ZMYM6: variants seen among roughly 807,000 people sequenced by gnomAD.
ZMYM6 encodes zinc finger MYM-type containing 6.
Under a neutral mutation model 134.0 loss-of-function variants are expected in ZMYM6, and 90 were observed. The observed-to-expected ratio is 0.67, with a 90% CI of 0.57 to 0.80. ZMYM6 has a LOEUF of 0.80. Among genes scored for constraint, ZMYM6 ranks in the 30% least tolerant of loss-of-function variants. The pLI, the probability that ZMYM6 is intolerant of heterozygous loss-of-function variation, is 0.00. For synonymous variants in ZMYM6, 481 were observed against 524.1 expected, an observed-to-expected ratio of 0.92 and a Z score of 1.12; for missense variants, 1,362 against 1,533.9, an observed-to-expected ratio of 0.89 and a Z score of 1.87.
At chr1:35,022,847 C>G (rs557649328) in intron 2 of ZMYM6, among the ~76,000 whole-genome samples, 1 of 152,102 alleles carries the variant, frequency 6.6e-6, no homozygotes, top group African/African-American at 2.4e-5. Context: ...CCCTGTATAC[C>G]CAATCGCCCA....
At chr1:35,012,309 T>A (rs1641101858) in intron 7 of ZMYM6, 122 bp downstream of exon 7, 1 of 943,144 alleles carries the variant, frequency 1.1e-6, no homozygotes, top group East Asian at 2.9e-5. Flanking sequence ...TATTTAAAAG[T>A]CAGTCTTGGG....
intron 14 of ZMYM6, among the ~76,000 whole-genome samples, chr1:35,003,098 C>T (rs1367198850): frequency 6.7e-6 from 1 of 148,752 alleles, no homozygotes; most frequent in Non-Finnish European, 1.5e-5. Context: ...TAGGGGACTG[C>T]TTGAGCCCAG....
chr1:35,008,904 G>A lies in ZMYM6; in HGVS notation c.1513C>T (p.Arg505Cys), dbSNP rs530832249. 25 of 1,611,160 alleles carry A rather than the reference G, an allele frequency of 1.6e-5. No homozygotes were observed. Among genetic ancestry groups the A allele is most frequent in the East Asian group, 6.7e-5 (3 of 44,802 alleles). ...TTTCCCCATCGTTCTCCAAAGTCAC[G>A]GGCAGAGAGGAATTTGCAAACTGAG... ...CSEVCKFLSA[R>C]DFGERWGNYC... The change falls in exon 11 of 16, where the codon CGT (arginine) becomes TGT (cysteine). Residue 505 changes from arginine (R) to cysteine (C), a missense_variant. By Grantham distance (180) the Arg-to-Cys change is radical. Around this residue, in one of 3 missense-constraint regions of ZMYM6, gnomAD observed 35 missense variants for 72.2 expected, o/e 0.48. Transcript: ENST00000357182.
At chr1:34,989,837 T>G (rs60734514) in intron 15 of ZMYM6, 20,706 of 151,868 alleles carry the variant, frequency 0.14, 4,531 homozygotes, top group African/African-American at 0.46. Flanking sequence ...GAGGCGGAGG[T>G]TGCAATGTGC....
At chr1:35,016,095 C>T (rs1378914297) in intron 4 of ZMYM6, among the ~76,000 whole-genome samples, 1 of 151,878 alleles carries the variant, frequency 6.6e-6, no homozygotes, top group African/African-American at 2.4e-5. Flanking sequence ...GGGACACCAG[C>T]ACGTGCCACC....
chr1:34,990,727 T>A (rs1640658954), intron 15 of ZMYM6, among the ~76,000 whole-genome samples: 1 of 151,830 alleles, frequency 6.6e-6, no homozygotes, highest in African/African-American at 2.4e-5. Flanking sequence ...TACCCCCGAA[T>A]AAAATAAAAT....
At chr1:35,009,093 C>A (rs764630813) in intron 10 of ZMYM6, among the ~76,000 whole-genome samples, 169 bp from the exon 11 acceptor site, 1 of 152,060 alleles carries the variant, frequency 6.6e-6, no homozygotes, top group Non-Finnish European at 1.5e-5. Flanking sequence ...ACTCATACCA[C>A]CTTTTATTTT....
chr1:35,020,399 A>G lies in ZMYM6; in HGVS notation c.162T>C (p.Val54=). The change falls in exon 3 of 16, where the codon GTT becomes GTC. Residue 54 remains valine, a synonymous_variant. Transcript: ENST00000357182. The part of the protein sequence containing the change: ...SKLKIGGVSS[V]NERPIAQQLN... The stretch of plus-strand genomic sequence containing the variant: ...ATTTCTTACCAATAGGTCTCTCATT[A>G]ACTGAAGACACACCACCAATTTTCA... 1 of 1,612,840 alleles carries G rather than the reference A, an allele frequency of 6.2e-7. No homozygotes were observed. Among genetic ancestry groups the G allele is most frequent in the Non-Finnish European group, 8.5e-7 (1 of 1,179,532 alleles).
chr1:35,024,765 G>A (rs552441666), intron 2 of ZMYM6, among the ~76,000 whole-genome samples: 3 of 152,006 alleles, frequency 2.0e-5, no homozygotes, highest in East Asian at 3.8e-4. Context: ...ATTGCTACCT[G>A]CTATGTGAAA....
chr1:34,992,435 C>G (rs1027056005), intron 14 of ZMYM6, 48 bp from the exon 15 acceptor site: 22 of 1,571,904 alleles, frequency 1.4e-5, no homozygotes, highest in Non-Finnish European at 1.8e-5. Context: ...TTTTTAGTAC[C>G]TTATCACTGA....
At position 34,987,042 on chromosome 1, in the gene ZMYM6, G is replaced by A. The variant is rs1640588876; in HGVS notation, c.*62C>T. On this transcript the variant is annotated 3_prime_UTR_variant, in exon 16 of 16. Coordinates refer to ENST00000357182, the MANE Select transcript of ZMYM6 (RefSeq NM_007167.4). ...ATCCACATTAGGAAATTATCTTTTA[G>A]GATACTTATACAAAACTTAACACAG... 1.7e-6 allele frequency: 2 copies of A among 1,159,456 alleles called. No homozygotes were observed. Among genetic ancestry groups the A allele is most frequent in the Admixed American group, 5.7e-5 (2 of 34,860 alleles). The allele number at this position is 1,159,456 out of a possible 1,614,324, so 71.8% of individuals were successfully genotyped here.
intron 15 of ZMYM6, among the ~76,000 whole-genome samples, chr1:34,991,132 G>C (rs1640665958): frequency 6.6e-6 from 1 of 152,104 alleles, no homozygotes; most frequent in Non-Finnish European, 1.5e-5. Context: ...CCAAAGTGCT[G>C]GGATTATAGG....
intron 13 of ZMYM6, 89 bp from the exon 14 acceptor site, chr1:35,004,094 G>A: frequency 1.7e-6 from 2 of 1,183,188 alleles, no homozygotes; most frequent in Non-Finnish European, 2.4e-6. Context: ...CCATTAAGCT[G>A]GGCTAGAGTC....
chr1:35,019,222 T>C (rs1194280496), intron 4 of ZMYM6, 131 bp downstream of exon 4: 2 of 1,333,526 alleles, frequency 1.5e-6, no homozygotes, highest in Admixed American at 2.5e-5. Flanking sequence ...TGGTGAATTC[T>C]TCCATTAACT....
At chr1:34,993,648 T>C (rs1390142370) in intron 14 of ZMYM6, among the ~76,000 whole-genome samples, 1 of 152,152 alleles carries the variant, frequency 6.6e-6, no homozygotes, top group African/African-American at 2.4e-5. Context: ...GGGGGGCTAC[T>C]ATTCTGCCTA....
In ZMYM6 at chr1:35,020,412, C is replaced by G; in HGVS notation, c.149G>C (p.Gly50Ala). The part of the protein sequence containing the change: ...KTQESKLKIG[G>A]VSSVNERPIA... ...AGGTCTCTCATTAACTGAAGACACACCACCAATTTTCAATTTACTTTCTTG... is the reference window on the plus strand; with the variant it reads ...AGGTCTCTCATTAACTGAAGACACAGCACCAATTTTCAATTTACTTTCTTG... The change falls in exon 3 of 16, where the codon GGT becomes GCT. Residue 50 changes from glycine to alanine, a missense_variant. By Grantham distance (60) the Gly-to-Ala change is moderately conservative (BLOSUM62 0). This residue lies in a region of ZMYM6 where 503 missense variants were observed against 520.8 expected (regional missense o/e 0.97). Coordinates refer to ENST00000357182, the MANE Select transcript of ZMYM6 (RefSeq NM_007167.4). The G allele has an allele frequency of 6.2e-7, 1 of 1,612,644 alleles. No individual in the cohort carries two copies. The highest frequency in any genetic ancestry group is 8.5e-7 in the Non-Finnish European group (1 of 1,179,606).
At chr1:35,009,624 C>T (rs960312486) in intron 10 of ZMYM6, among the ~76,000 whole-genome samples, 24 of 152,108 alleles carry the variant, frequency 1.6e-4, no homozygotes, top group Admixed American at 1.3e-4. Context: ...ATTGCAATTA[C>T]TGCAACATTT....
intron 2 of ZMYM6, 90 bp from the exon 3 acceptor site, chr1:35,020,557 C>G: frequency 1.3e-6 from 1 of 760,770 alleles, no homozygotes; most frequent in East Asian, 4.0e-5. Context: ...TTATTCTATC[C>G]TATTCATCTC....
At position 35,019,356 on chromosome 1, in the gene ZMYM6, G is replaced by A. The variant is rs563780856; in HGVS notation, c.425C>T (p.Ser142Leu). Reference sequence around the variant, plus strand: ...AGGGATGTTAAGAATTTTATACTTCGAGCAGTTTGTGCAGGTTTTCTTGGG... The same window carrying A: ...AGGGATGTTAAGAATTTTATACTTCAAGCAGTTTGTGCAGGTTTTCTTGGG... ...PPPKKTCTNCSKDILNPKDVI... is the reference protein window; with the variant it reads ...PPPKKTCTNCLKDILNPKDVI... Residue 142 changes from serine (S) to leucine (L), a missense_variant, in exon 4 of 16, where the codon TCG becomes TTG. By Grantham distance (145) the Ser-to-Leu change is moderately radical. Transcript: ENST00000357182. The A allele has an allele frequency of 1.5e-5, 25 of 1,614,104 alleles. No homozygotes were observed. The highest frequency in any genetic ancestry group is 1.0e-4 in the Admixed American group (6 of 60,004).
Sources: allele counts gnomAD v4.1 joint callset (sites outside exome capture counted in the v4.1 genomes callset), GRCh38; gene constraint gnomAD v4.1.1; regional missense constraint gnomAD v4.1.1; transcripts MANE v1.5; gene names NCBI Gene and HGNC (gene_info 2026-07-23, HGNC 2026-07-21).